The following MEIS2 variants were observed in gnomAD, a reference collection of about 807,000 sequenced individuals.
The protein encoded by MEIS2 is homeobox protein Meis2.
MEIS2 carries 9 observed loss-of-function variants against 58.6 expected under a neutral mutation model. The ratio of observed to expected loss-of-function variants is 0.15; its 90% CI spans 0.09 to 0.27. The LOEUF is 0.27. Among genes scored for constraint, MEIS2 ranks in the 10% least tolerant of loss-of-function variants. The pLI is 1.00. For missense variants in MEIS2, 427 were observed against 635.0 expected (o/e 0.67, Z 3.52); for synonymous variants, 221 against 228.4 (o/e 0.97, Z 0.29).
intron 7 of MEIS2, among the ~76,000 whole-genome samples, chr15:37,058,563 A>T (rs1888762194): frequency 6.6e-6 from 1 of 152,220 alleles, no homozygotes; most frequent in Admixed American, 6.5e-5. Context: ...AGTTGTCAAA[A>T]GGTTGTATCA....
At chr15:37,043,672 G>A (rs2062534020) in intron 7 of MEIS2, among the ~76,000 whole-genome samples, 1 of 146,778 alleles carries the variant, frequency 6.8e-6, no homozygotes, top group Non-Finnish European at 1.5e-5. Flanking sequence ...CTAGAACACC[G>A]TCCCCTCCTT....
At chr15:36,904,823 C>T (rs531865267) in intron 9 of MEIS2, among the ~76,000 whole-genome samples, 19 of 152,042 alleles carry the variant, frequency 1.2e-4, no homozygotes, top group Non-Finnish European at 2.5e-4. Context: ...GAGTAACTTA[C>T]GAAGGAGAAA....
At chr15:36,931,642 T>C (rs1034970580) in intron 9 of MEIS2, among the ~76,000 whole-genome samples, 4 of 152,158 alleles carry the variant, frequency 2.6e-5, no homozygotes, top group Non-Finnish European at 5.9e-5. Context: ...GAAAAATGCA[T>C]ATGGGGTTGG....
At chr15:36,966,011 TC>T (rs2059343444) in intron 8 of MEIS2, among the ~76,000 whole-genome samples, 1 of 152,208 alleles carries the variant, frequency 6.6e-6, no homozygotes, top group African/African-American at 2.4e-5. Context: ...CTGGAGAAAC[TC>T]TATTATATCA....
intron 8 of MEIS2, among the ~76,000 whole-genome samples, chr15:37,023,992 C>A (rs2061616937): frequency 6.7e-6 from 1 of 149,918 alleles, no homozygotes; most frequent in South Asian, 2.1e-4. Context: ...TCACTGCAAC[C>A]TCCGCCCCCA....
intron 9 of MEIS2, among the ~76,000 whole-genome samples, chr15:36,944,357 T>C (rs1054940018): frequency 6.6e-6 from 1 of 152,072 alleles, no homozygotes; most frequent in Non-Finnish European, 1.5e-5. Context: ...TATATGACCA[T>C]GGAGACAGAA....
At chr15:37,067,937 T>G (rs556522646) in intron 7 of MEIS2, among the ~76,000 whole-genome samples, 13 of 152,308 alleles carry the variant, frequency 8.5e-5, no homozygotes, top group African/African-American at 2.9e-4. Flanking sequence ...GGTGGTCACA[T>G]GCATATTATT....
At chr15:36,954,995 C>A (rs2058906584) in intron 8 of MEIS2, among the ~76,000 whole-genome samples, 1 of 152,152 alleles carries the variant, frequency 6.6e-6, no homozygotes, top group South Asian at 2.1e-4. Context: ...ATGCATTGGG[C>A]AGATATCATT....
chr15:37,096,187 G>A, intron 3 of MEIS2, 102 bp downstream of exon 3: 1 of 1,304,972 alleles, frequency 7.7e-7, no homozygotes, highest in Non-Finnish European at 1.0e-6. Context: ...CAGAGGAACA[G>A]ATAGGGTGTC....
intron 7 of MEIS2, among the ~76,000 whole-genome samples, chr15:37,056,702 C>CT (rs1888470306): frequency 6.6e-6 from 1 of 152,190 alleles, no homozygotes; most frequent in African/African-American, 2.4e-5. Context: ...TCCCATAACC[C>CT]TCCTCAGCCC....
chr15:37,079,987 G>C (rs1891977392), intron 7 of MEIS2, among the ~76,000 whole-genome samples: 1 of 152,134 alleles, frequency 6.6e-6, no homozygotes, highest in South Asian at 2.1e-4. Context: ...ACAGTGCAGG[G>C]ATTGTTCAAT....
At chr15:37,074,791 T>C (rs1053494713) in intron 7 of MEIS2, among the ~76,000 whole-genome samples, 11 of 152,038 alleles carry the variant, frequency 7.2e-5, no homozygotes, top group Non-Finnish European at 1.6e-4. Flanking sequence ...TTGGAACTCA[T>C]GTCTCTCTGT....
intron 9 of MEIS2, among the ~76,000 whole-genome samples, chr15:36,911,574 C>T (rs1257022000): frequency 1.3e-5 from 2 of 152,194 alleles, no homozygotes; most frequent in Non-Finnish European, 2.9e-5. Flanking sequence ...ATCAATTCTA[C>T]TTTCTTGTTT....
At position 37,021,988 on chromosome 15, in the gene MEIS2, C is replaced by T. The variant is rs569945346; in HGVS notation, c.900+14826G>A. 2.9e-4 allele frequency among the ~76,000 whole-genome samples: 44 copies of T among 152,192 alleles called. No homozygotes were observed. The South Asian group carries it at 4.4e-3, about 15-fold the overall frequency. ...TTAATGGTTACACAGTAGTCCATAA[C>T]GCTCCATAACATTCCATATCTCCTA... On this transcript the variant is annotated intron_variant, in intron 8 of 11. Coordinates refer to ENST00000561208, the MANE Select transcript of MEIS2 (RefSeq NM_170675.5).
In MEIS2 at chr15:37,092,401, G is replaced by A. The variant is rs138660691; in HGVS notation, c.639+1180C>T. 5.8e-4 allele frequency among the ~76,000 whole-genome samples: 89 copies of A among 152,260 alleles called. 4 individuals are homozygous for A. The East Asian group carries it at 0.017, about 28-fold the overall frequency. Reference sequence around the variant, plus strand: ...TCATTTCTCATACCAGTCAGGAATTGGGATGGGAGGTAGGGACAAACTGCC... The same window carrying A: ...TCATTTCTCATACCAGTCAGGAATTAGGATGGGAGGTAGGGACAAACTGCC... On this transcript the variant is annotated intron_variant, in intron 6 of 11. Transcript: ENST00000561208.
chr15:37,065,123 A>ATT (rs1340651936), intron 7 of MEIS2, among the ~76,000 whole-genome samples: 2 of 152,182 alleles, frequency 1.3e-5, no homozygotes, highest in Non-Finnish European at 1.5e-5. Context: ...GTCTCAATTC[A>ATT]AAGTATGCCC....
intron 8 of MEIS2, among the ~76,000 whole-genome samples, chr15:37,029,132 C>T (rs76813657): frequency 0.013 from 2,019 of 152,282 alleles, 24 homozygotes; most frequent in Non-Finnish European, 0.018. Flanking sequence ...CAGATGTTTT[C>T]TCCTGGCAAG....
chr15:37,093,974 G>A, intron 5 of MEIS2: 1 of 471,878 alleles, frequency 2.1e-6, no homozygotes, highest in Non-Finnish European at 3.8e-6. Context: ...AATAGAGAGA[G>A]AAAGAAACAG....
chr15:36,959,506 G>A (rs2059108028), intron 8 of MEIS2, among the ~76,000 whole-genome samples: 1 of 152,084 alleles, frequency 6.6e-6, no homozygotes, highest in East Asian at 1.9e-4. Flanking sequence ...AGTTTGAAAA[G>A]GTGACAAGTG....
Sources: gnomAD v4.1 joint callset for allele counts (sites outside exome capture counted in the v4.1 genomes callset) on GRCh38, gnomAD v4.1.1 for gene constraint, MANE v1.5 for transcripts, NCBI Gene and HGNC (gene_info 2026-07-23, HGNC 2026-07-21) for gene names.